HERC1: variants seen among roughly 807,000 people sequenced by gnomAD.
HERC1 encodes the protein probable E3 ubiquitin-protein ligase HERC1.
In HERC1, 160 loss-of-function variants were observed where a neutral mutation model predicts 554.3. The ratio of observed to expected loss-of-function variants is 0.29; its 90% CI spans 0.25 to 0.33. The LOEUF is 0.33. Ranked by LOEUF, HERC1 falls within the 10% of genes least tolerant of loss-of-function variation. HERC1 has a pLI of 1.00. For synonymous variants in HERC1, 2,175 were observed against 2,131.7 expected, an observed-to-expected ratio of 1.02 and a Z score of -0.56; for missense variants, 4,919 against 5,918.5, an observed-to-expected ratio of 0.83 and a Z score of 5.54.
chr15:63,665,479 G>A (rs1233213580), intron 42 of HERC1, among the ~76,000 whole-genome samples: 3 of 152,120 alleles, frequency 2.0e-5, no homozygotes, highest in Non-Finnish European at 2.9e-5. Flanking sequence ...TTGCTGCAGT[G>A]AGCCGATATC....
chr15:63,691,104 G>A (rs965176088), intron 31 of HERC1, among the ~76,000 whole-genome samples: 8 of 152,084 alleles, frequency 5.3e-5, no homozygotes, highest in Non-Finnish European at 4.4e-5. Context: ...GCCTCTCTCC[G>A]TCCATGCACT....
At chr15:63,816,925 T>A (rs1207014635) in intron 1 of HERC1, among the ~76,000 whole-genome samples, 1 of 152,128 alleles carries the variant, frequency 6.6e-6, no homozygotes. Flanking sequence ...AGACCTTACA[T>A]ATCTCCCGAT....
rs2072156716 is a variant in HERC1, at chr15:63,692,290, A to G, written c.5830+121T>C. 1 of 724,042 alleles carries G rather than the reference A, an allele frequency of 1.4e-6. No individual in the cohort carries two copies. 44.9% of individuals were successfully genotyped at this position (724,042 alleles called of 1,614,324 possible). A position where few individuals can be genotyped will look rare whatever the true frequency, so the allele number is the denominator to read the frequency against. ...TTTTGATCAAATAGGTACGCAGAAA[A>G]TAAGAAAGAAAAGCCTTCAAATCAA... On this transcript the variant is annotated intron_variant, in intron 31 of 77. Coordinates refer to ENST00000443617, the MANE Select transcript of HERC1 (RefSeq NM_003922.4). The surrounding 1 kb of genome is among the most constrained non-coding windows in gnomAD (Gnocchi z 4.7).
Position 63,615,896 on chromosome 15 carries a change from C to A in HERC1, c.13966G>T (p.Gly4656Cys). 1.3e-6 allele frequency: 2 copies of A among 1,595,264 alleles called. No homozygotes were observed. Among genetic ancestry groups the A allele is most frequent in the African/African-American group, 1.4e-5 (1 of 74,056 alleles). The change falls in exon 76 of 78, where the codon GGC becomes TGC. Residue 4656 changes from glycine (G) to cysteine (C), a missense_variant. By Grantham distance (159) the Gly-to-Cys change is radical. Around this residue, in one of 11 missense-constraint regions of HERC1, gnomAD observed 284 missense variants for 294.1 expected, o/e 0.97. Coordinates refer to ENST00000443617, the MANE Select transcript of HERC1 (RefSeq NM_003922.4). ...HEMIPLDSFVGQSADGKMVPI... is the reference protein window; with the variant it reads ...HEMIPLDSFVCQSADGKMVPI... ...ACCATTTTGCCATCAGCACTCTGGCCAACAAAAGAATCAAGAGGAATCATC... is the reference window on the plus strand; with the variant it reads ...ACCATTTTGCCATCAGCACTCTGGCAAACAAAAGAATCAAGAGGAATCATC...
At chr15:63,656,576 G>A (rs749247127) in intron 48 of HERC1, among the ~76,000 whole-genome samples, 1 of 152,168 alleles carries the variant, frequency 6.6e-6, no homozygotes, top group Non-Finnish European at 1.5e-5. Context: ...TATACTTGAA[G>A]TACAATTGAA....
intron 56 of HERC1, 147 bp from the exon 57 acceptor site, chr15:63,645,244 A>G (rs2069274214): frequency 1.4e-6 from 1 of 710,416 alleles, no homozygotes; most frequent in African/African-American, 1.8e-5. Context: ...TACAAGAAAT[A>G]CAACCGAGGC....
chr15:63,634,581 G>A (rs2068699345), intron 66 of HERC1, among the ~76,000 whole-genome samples, 152 bp downstream of exon 66: 1 of 152,108 alleles, frequency 6.6e-6, no homozygotes, highest in Admixed American at 6.5e-5. Flanking sequence ...TTTCACATTG[G>A]GAAACAGTTA....
At chr15:63,650,748 C>A (rs751284428) in intron 53 of HERC1, among the ~76,000 whole-genome samples, 1 of 152,198 alleles carries the variant, frequency 6.6e-6, no homozygotes, top group Non-Finnish European at 1.5e-5. Flanking sequence ...CTAGCTATTC[C>A]TCAAATGTCA....
Position 63,635,970 on chromosome 15 carries a change from T to C in HERC1, c.12405A>G (p.Glu4135=), listed in dbSNP as rs769638213. The change falls in exon 65 of 78, where the codon GAA becomes GAG. Residue 4135 remains glutamate (E), a synonymous_variant. Coordinates refer to ENST00000443617, the MANE Select transcript of HERC1 (RefSeq NM_003922.4). The part of the protein sequence containing the change: ...PRQIEALQGE[E]VVQMSCGFKH... Reference sequence around the variant, plus strand: ...CCATTTCCTGCCTGACCTGCACCACTTCTTCTCCTTGTAAGGCCTCGATCT... The same window carrying C: ...CCATTTCCTGCCTGACCTGCACCACCTCTTCTCCTTGTAAGGCCTCGATCT... The C allele has an allele frequency of 1.2e-6, 2 of 1,613,982 alleles. No homozygotes were observed. The highest frequency in any genetic ancestry group is 2.2e-5 in the South Asian group (2 of 91,082).
intron 3 of HERC1, among the ~76,000 whole-genome samples, chr15:63,761,515 A>G (rs2075610640): frequency 6.6e-6 from 1 of 151,626 alleles, no homozygotes; most frequent in African/African-American, 2.4e-5. Context: ...TGAGCCCAGG[A>G]GATAGAAGCT....
At chr15:63,832,394 C>T (rs184284641) in intron 1 of HERC1, among the ~76,000 whole-genome samples, 4 of 152,166 alleles carry the variant, frequency 2.6e-5, no homozygotes, top group Admixed American at 2.6e-4. Flanking sequence ...AAGAGACATA[C>T]TCATCCCACA....
At position 63,775,542 on chromosome 15, in the gene HERC1, T is replaced by C. The variant is rs201060589; in HGVS notation, c.82A>G (p.Ile28Val). The C allele has an allele frequency of 3.2e-5, 51 of 1,613,842 alleles. No homozygotes were observed. The highest frequency in any genetic ancestry group is 4.1e-5 in the Non-Finnish European group (48 of 1,179,836). ...SSWITEDSES[I>V]ATREGVAVLY... ...ACAGCAACTCCCTCTCTTGTAGCAA[T>C]AGATTCACTGTCCTCTGTAATCCAG... is the stretch of plus-strand genomic sequence containing the variant. Residue 28 changes from isoleucine to valine, a missense_variant, in exon 2 of 78, where the codon ATT becomes GTT. Transcript: ENST00000443617. The surrounding 1 kb of genome is among the most constrained non-coding windows in gnomAD (Gnocchi z 4.0).
intron 63 of HERC1, among the ~76,000 whole-genome samples, chr15:63,637,897 G>T (rs1323542522): frequency 1.3e-5 from 2 of 152,170 alleles, no homozygotes; most frequent in South Asian, 2.1e-4. Flanking sequence ...AAAGAAAAAG[G>T]AAGGGGTGAT....
In HERC1 at chr15:63,634,782, T is replaced by C. The variant is rs2068709898; in HGVS notation, c.12521A>G (p.Lys4174Arg). The change falls in exon 66 of 78, where the codon AAA becomes AGA. Residue 4174 changes from lysine (K) to arginine (R), a missense_variant. Lys to Arg is a conservative substitution (Grantham distance 26). Around this residue, in one of 11 missense-constraint regions of HERC1, gnomAD observed 410 missense variants for 467.0 expected, o/e 0.88. Transcript: ENST00000443617. ...TGCAGTCACTCTCTCTGGAAGTTTTTTGTTAGAGGTATTTCCAAGACCCAG... is the reference window on the plus strand; with the variant it reads ...TGCAGTCACTCTCTCTGGAAGTTTTCTGTTAGAGGTATTTCCAAGACCCAG... ...GRLGLGNTSN[K>R]KLPERVTALE... The C allele has an allele frequency of 6.2e-7, 1 of 1,613,448 alleles. No homozygotes were observed. The highest frequency in any genetic ancestry group is 8.5e-7 in the Non-Finnish European group (1 of 1,179,656).
At chr15:63,638,579 C>G in intron 62 of HERC1, 43 bp from the exon 63 acceptor site, 1 of 1,613,278 alleles carries the variant, frequency 6.2e-7, no homozygotes, top group Non-Finnish European at 8.5e-7. Context: ...CATCCATTCA[C>G]TCAAACAGCC....
chr15:63,766,124 C>T (rs2075768608), intron 2 of HERC1, among the ~76,000 whole-genome samples: 1 of 151,828 alleles, frequency 6.6e-6, no homozygotes, highest in African/African-American at 2.4e-5. Context: ...ACTAATAAAG[C>T]TTATTATTAA....
intron 12 of HERC1, among the ~76,000 whole-genome samples, chr15:63,744,996 C>T (rs548148283): frequency 6.6e-6 from 1 of 152,288 alleles, no homozygotes; most frequent in Admixed American, 6.5e-5. Context: ...GAGTCCTTTT[C>T]TTCAAGGCAG....
Position 63,624,113 on chromosome 15 carries a change from G to GA in HERC1, c.13445+44dup, listed in dbSNP as rs747685285. 2.2e-5 allele frequency: 34 copies of GA among 1,521,852 alleles called. No individual in the cohort carries two copies. The East Asian group carries it at 2.3e-4, about 10-fold the overall frequency. 94.3% of individuals were successfully genotyped at this position (1,521,852 alleles called of 1,614,324 possible). ...CAGAAATTAGTAATAACATCCATCTGAAAAAATCACAGCTCATTAGTCAAA... is the reference window on the plus strand; with the variant it reads ...CAGAAATTAGTAATAACATCCATCTGAAAAAAATCACAGCTCATTAGTCAAA... On this transcript the variant is annotated intron_variant, in intron 72 of 77. Coordinates refer to ENST00000443617, the MANE Select transcript of HERC1 (RefSeq NM_003922.4).
chr15:63,772,118 A>G (rs928562652), intron 2 of HERC1, among the ~76,000 whole-genome samples: 5 of 151,652 alleles, frequency 3.3e-5, no homozygotes, highest in Admixed American at 3.3e-4. Flanking sequence ...GCAAAACTCC[A>G]TCTCAAAAAA....
Sources: gnomAD v4.1 joint callset for allele counts (sites outside exome capture counted in the v4.1 genomes callset) on GRCh38, gnomAD v4.1.1 for gene constraint, gnomAD v4.1.1 regional missense constraint, Gnocchi (gnomAD v3.1) non-coding constraint, MANE v1.5 for transcripts, NCBI Gene and HGNC (gene_info 2026-07-23, HGNC 2026-07-21) for gene names.